The following PTPRT variants were observed in gnomAD, a reference collection of about 807,000 sequenced individuals.
PTPRT encodes the protein receptor-type tyrosine-protein phosphatase T.
Under a neutral mutation model 176.8 loss-of-function variants are expected in PTPRT, and 56 were observed. The ratio of observed to expected loss-of-function variants is 0.32; its 90% CI spans 0.26 to 0.40. The LOEUF (loss-of-function observed/expected upper bound fraction) is 0.40, where lower values mean the gene tolerates loss of function less well. Among genes scored for constraint, PTPRT ranks in the 10% least tolerant of loss-of-function variants. The pLI is 1.00. For synonymous variants in PTPRT, 783 were observed against 739.0 expected (o/e 1.06, Z -0.96); for missense variants, 1,540 against 1,908.2 (o/e 0.81, Z 3.60).
At chr20:43,166,184 G>A (rs1334087815) in intron 1 of PTPRT, among the ~76,000 whole-genome samples, 2 of 151,880 alleles carry the variant, frequency 1.3e-5, no homozygotes, top group African/African-American at 4.8e-5. Flanking sequence ...AATTAGCTGG[G>A]TATGGGGTGG....
At chr20:43,020,186 ATAAG>A (rs1297688946) in intron 1 of PTPRT, among the ~76,000 whole-genome samples, 19 of 147,294 alleles carry the variant, frequency 1.3e-4, no homozygotes, top group South Asian at 6.4e-4. Flanking sequence ...AATTACATAT[ATAAG>A]TAATATGTAA....
intron 1 of PTPRT, among the ~76,000 whole-genome samples, chr20:43,180,405 G>A (rs2015226404): frequency 8.3e-6 from 1 of 120,044 alleles, no homozygotes; most frequent in Admixed American, 8.7e-5. Context: ...CTCTCTCCCT[G>A]TCATATATAT....
chr20:43,113,785 T>C (rs1406091364), intron 1 of PTPRT, among the ~76,000 whole-genome samples: 4 of 152,218 alleles, frequency 2.6e-5, no homozygotes, highest in South Asian at 2.1e-4. Context: ...ACCACACCTA[T>C]AGGAATGACT....
chr20:42,213,459 T>C (rs904598715), intron 15 of PTPRT, among the ~76,000 whole-genome samples: 5 of 152,176 alleles, frequency 3.3e-5, no homozygotes, highest in Admixed American at 2.0e-4. Context: ...TTTAAAATGA[T>C]TGTTATGGAT....
chr20:42,654,695 C>A (rs1459085527), intron 7 of PTPRT, among the ~76,000 whole-genome samples: 1 of 152,168 alleles, frequency 6.6e-6, no homozygotes, highest in East Asian at 1.9e-4. Flanking sequence ...TAAAGCCTCA[C>A]AGGAGCCCAC....
At chr20:43,177,585 T>C (rs149875590) in intron 1 of PTPRT, among the ~76,000 whole-genome samples, 39 of 152,256 alleles carry the variant, frequency 2.6e-4, no homozygotes, top group African/African-American at 8.4e-4. Context: ...TTTGGAAGTA[T>C]GAGGAAATGG....
intron 15 of PTPRT, among the ~76,000 whole-genome samples, chr20:42,218,385 T>C (rs2055818329): frequency 6.6e-6 from 1 of 152,220 alleles, no homozygotes; most frequent in Admixed American, 6.5e-5. Context: ...TGATATCCAT[T>C]ATTGTTATCA....
intron 18 of PTPRT, among the ~76,000 whole-genome samples, chr20:42,132,888 A>C (rs761938867): frequency 1.3e-5 from 2 of 152,262 alleles, no homozygotes; most frequent in African/African-American, 4.8e-5. Context: ...TAGCAGCTTT[A>C]CTTAAAACTG....
chr20:42,362,547 G>GA (rs1359834179), intron 9 of PTPRT, among the ~76,000 whole-genome samples: 3 of 152,104 alleles, frequency 2.0e-5, no homozygotes, highest in Non-Finnish European at 4.4e-5. Context: ...GGAGACTAAG[G>GA]AAAAAATGAC....
intron 1 of PTPRT, among the ~76,000 whole-genome samples, chr20:42,989,459 C>T (rs530643009): frequency 2.0e-5 from 3 of 152,332 alleles, no homozygotes; most frequent in African/African-American, 7.2e-5. Flanking sequence ...GCCCATGTGG[C>T]TGGTGCCCTT....
chr20:42,892,137 A>G (rs140265749), intron 1 of PTPRT, among the ~76,000 whole-genome samples: 1 of 152,328 alleles, frequency 6.6e-6, no homozygotes, highest in African/African-American at 2.4e-5. Context: ...GCTCCTAAGG[A>G]ACTTACCCAG....
At chr20:42,621,501 G>A (rs1313861761) in intron 7 of PTPRT, among the ~76,000 whole-genome samples, 1 of 152,170 alleles carries the variant, frequency 6.6e-6, no homozygotes, top group Non-Finnish European at 1.5e-5. Flanking sequence ...AAATTCTCCT[G>A]CCATGGATTC....
chr20:42,753,408 T>C (rs1033005828), intron 6 of PTPRT, among the ~76,000 whole-genome samples: 1 of 152,206 alleles, frequency 6.6e-6, no homozygotes, highest in Non-Finnish European at 1.5e-5. Context: ...ACCATCATAA[T>C]ATTTAAATGG....
chr20:42,372,971 A>G (rs1471318658), intron 9 of PTPRT, among the ~76,000 whole-genome samples: 1 of 152,258 alleles, frequency 6.6e-6, no homozygotes, highest in Non-Finnish European at 1.5e-5. Context: ...ATGGACTAAA[A>G]CAATGTCTAA....
intron 9 of PTPRT, among the ~76,000 whole-genome samples, chr20:42,382,396 G>A (rs528245349): frequency 4.0e-4 from 61 of 152,270 alleles, no homozygotes; most frequent in African/African-American, 1.3e-3. Context: ...CTGATCCCAG[G>A]AGAAATCCAC....
At chr20:42,323,540 C>T (rs1475280863) in intron 11 of PTPRT, among the ~76,000 whole-genome samples, 2 of 151,826 alleles carry the variant, frequency 1.3e-5, no homozygotes, top group Non-Finnish European at 2.9e-5. Context: ...TGTTCTCACC[C>T]ATAGGTGGGA....
At chr20:42,260,841 G>A (rs1363200140) in intron 13 of PTPRT, among the ~76,000 whole-genome samples, 2 of 152,182 alleles carry the variant, frequency 1.3e-5, no homozygotes, top group Non-Finnish European at 2.9e-5. Flanking sequence ...CCACAGAGTG[G>A]AGACCTGTCT....
intron 1 of PTPRT, among the ~76,000 whole-genome samples, chr20:43,054,561 A>T (rs1333703385): frequency 6.7e-6 from 1 of 148,666 alleles, no homozygotes; most frequent in East Asian, 2.0e-4. Flanking sequence ...CTCCAAAAAA[A>T]GAAGGGGAAA....
At chr20:42,711,468 C>G (rs953049649) in intron 6 of PTPRT, among the ~76,000 whole-genome samples, 1 of 152,138 alleles carries the variant, frequency 6.6e-6, no homozygotes, top group Admixed American at 6.5e-5. Flanking sequence ...CTCCACCTCT[C>G]TCTTGCTCCA....
Sources: allele counts gnomAD v4.1 joint callset (sites outside exome capture counted in the v4.1 genomes callset), GRCh38; gene constraint gnomAD v4.1.1; transcripts MANE v1.5; gene names NCBI Gene and HGNC (gene_info 2026-07-23, HGNC 2026-07-21).